PRDM2: variants seen among roughly 807,000 people sequenced by gnomAD.
The protein encoded by PRDM2 is PR/SET domain 2.
PRDM2 carries 30 observed loss-of-function variants against 130.0 expected under a neutral mutation model. The ratio of observed to expected loss-of-function variants is 0.23; its 90% CI spans 0.17 to 0.31. The LOEUF (loss-of-function observed/expected upper bound fraction) is 0.31. Among genes scored for constraint, PRDM2 ranks in the 10% least tolerant of loss-of-function variants. PRDM2 has a pLI of 1.00. For synonymous variants in PRDM2, 871 were observed against 782.4 expected (o/e 1.11, Z -1.89); for missense variants, 2,011 against 2,108.4 (o/e 0.95, Z 0.90).
At chr1:13,822,602 C>T (rs1286635303) in intron 9 of PRDM2, among the ~76,000 whole-genome samples, 2 of 151,920 alleles carry the variant, frequency 1.3e-5, no homozygotes, top group Non-Finnish European at 2.9e-5. Flanking sequence ...TCACCGTAGC[C>T]AGGATGGTCT....
intron 8 of PRDM2, among the ~76,000 whole-genome samples, chr1:13,794,053 A>G (rs1205926260): frequency 1.3e-5 from 2 of 152,186 alleles, no homozygotes; most frequent in East Asian, 1.9e-4. Flanking sequence ...CCATGATTAC[A>G]TAGAAATGGA....
intron 8 of PRDM2, among the ~76,000 whole-genome samples, chr1:13,794,984 T>C (rs1644900388): frequency 6.6e-6 from 1 of 152,176 alleles, no homozygotes; most frequent in Non-Finnish European, 1.5e-5. Context: ...TAGCAGATGC[T>C]CCCACCCATC....
chr1:13,779,423 A>C lies in PRDM2; in HGVS notation c.1628A>C (p.Glu543Ala). Residue 543 changes from glutamate to alanine, a missense_variant, in exon 8 of 10, where the codon GAG becomes GCG. Coordinates refer to ENST00000311066, the MANE Select transcript of PRDM2 (RefSeq NM_001393986.1). This position sits in a 1 kb window ranked among gnomAD's most constrained non-coding sequence, Gnocchi z 4.9. Reference sequence around the variant, plus strand: ...CAGAACGTGTATGTACCAAGCACAGAGCCGGAGGAGGAAGGGGAAGCAGAT... The same window carrying C: ...CAGAACGTGTATGTACCAAGCACAGCGCCGGAGGAGGAAGGGGAAGCAGAT... ...ATQNVYVPST[E>A]PEEEGEADDV... The C allele has an allele frequency of 6.2e-7, 1 of 1,614,170 alleles. No homozygotes were observed. The highest frequency in any genetic ancestry group is 1.1e-5 in the South Asian group (1 of 91,076).
At position 13,808,348 on chromosome 1, in the gene PRDM2, G is replaced by A. The variant is rs574340651; in HGVS notation, c.5037-8079G>A. 2.6e-4 allele frequency among the ~76,000 whole-genome samples: 40 copies of A among 152,042 alleles called. No homozygotes were observed. In the East Asian group the frequency reaches 5.2e-3, roughly 20 times the overall value. ...CTACTAAAAATACAAAAAATTAGCCGGGCGTGGTGGCGGGCTGAGGCAGGA... is the reference window on the plus strand; with the variant it reads ...CTACTAAAAATACAAAAAATTAGCCAGGCGTGGTGGCGGGCTGAGGCAGGA... On this transcript the variant is annotated intron_variant, in intron 8 of 9. Coordinates refer to ENST00000311066, the MANE Select transcript of PRDM2 (RefSeq NM_001393986.1).
In PRDM2 at chr1:13,779,266, G is replaced by A; in HGVS notation, c.1471G>A (p.Val491Ile). The A allele has an allele frequency of 6.2e-7, 1 of 1,614,118 alleles. No individual in the cohort carries two copies. Among genetic ancestry groups the A allele is most frequent in the Non-Finnish European group, 8.5e-7 (1 of 1,180,008 alleles). ...TCATCCGTGCAAATATTGTAAAAAG[G>A]TTTTTGGAACTCATACTAATATGAG... ...ELHPCKYCKK[V>I]FGTHTNMRRH... Residue 491 changes from valine (V) to isoleucine (I), a missense_variant, in exon 8 of 10, where the codon GTT (valine) becomes ATT (isoleucine). Val to Ile is a conservative substitution (Grantham distance 29). This residue lies in a region of PRDM2 where 1,288 missense variants were observed against 1,237.7 expected (regional missense o/e 1.04). Transcript: ENST00000311066. The surrounding 1 kb of genome is among the most constrained non-coding windows in gnomAD (Gnocchi z 4.9).
chr1:13,724,956 G>A (rs1375080740), intron 2 of PRDM2, among the ~76,000 whole-genome samples: 1 of 152,114 alleles, frequency 6.6e-6, no homozygotes, highest in Non-Finnish European at 1.5e-5. Flanking sequence ...GGACATGAAT[G>A]TTTGGATTAA....
chr1:13,759,087 T>C (rs1260676924), intron 6 of PRDM2, among the ~76,000 whole-genome samples: 1 of 152,152 alleles, frequency 6.6e-6, no homozygotes, highest in Non-Finnish European at 1.5e-5. Context: ...TGTTACCAGT[T>C]ATGGAGAGTA....
chr1:13,768,288 C>T (rs1273316476), intron 6 of PRDM2, among the ~76,000 whole-genome samples: 21 of 151,822 alleles, frequency 1.4e-4, no homozygotes, highest in Admixed American at 9.2e-4. Flanking sequence ...TTTCACCGCA[C>T]TAGCCAGGAT....
chr1:13,769,369 C>A (rs1461394947), intron 6 of PRDM2, among the ~76,000 whole-genome samples: 2 of 152,310 alleles, frequency 1.3e-5, no homozygotes, highest in African/African-American at 4.8e-5. Flanking sequence ...GTAGCAGGTT[C>A]CACCGCCTGT....
intron 6 of PRDM2, among the ~76,000 whole-genome samples, chr1:13,768,075 T>G (rs976131286): frequency 2.8e-4 from 23 of 82,872 alleles, no homozygotes; most frequent in African/African-American, 7.1e-4. Flanking sequence ...TGTCCTTGAG[T>G]TTTTTTTTTT....
intron 8 of PRDM2, chr1:13,786,726 C>T: frequency 7.0e-7 from 1 of 1,424,674 alleles, no homozygotes; most frequent in Non-Finnish European, 9.2e-7. Flanking sequence ...GCCCAACGCG[C>T]ATGCTGGGCG....
At chr1:13,745,328 G>A (rs1643570016) in intron 5 of PRDM2, among the ~76,000 whole-genome samples, 1 of 152,112 alleles carries the variant, frequency 6.6e-6, no homozygotes, top group African/African-American at 2.4e-5. Flanking sequence ...CCACTCCTTG[G>A]ATAGGAAGGA....
chr1:13,810,585 CTG>C (rs1481293747), intron 8 of PRDM2, among the ~76,000 whole-genome samples: 1 of 151,742 alleles, frequency 6.6e-6, no homozygotes, highest in Non-Finnish European at 1.5e-5. Context: ...AGCTCTGCCT[CTG>C]GGGTTCACAC....
intron 2 of PRDM2, among the ~76,000 whole-genome samples, chr1:13,722,690 C>G (rs147694999): frequency 2.9e-4 from 44 of 152,186 alleles, no homozygotes; most frequent in African/African-American, 1.0e-3. Flanking sequence ...CTGTCCCCAC[C>G]CTCACCCATT....
chr1:13,787,145 A>C (rs964302613), intron 8 of PRDM2: 22 of 985,184 alleles, frequency 2.2e-5, no homozygotes, highest in African/African-American at 7.0e-5. Flanking sequence ...TTTTATGCCT[A>C]TTCTGGTGTT....
chr1:13,700,247 AGCGGCGGCG>A lies in PRDM2; in HGVS notation c.-110_-102del, dbSNP rs1018973109. Reference sequence around the variant, plus strand: ...CCGCGGGCGCCGGGGCCGGCGAAACAGCGGCGGCGGCGGCGGCCCTCGGTGCTCTGAGGC... The same window carrying A: ...CCGCGGGCGCCGGGGCCGGCGAAACAGCGGCGGCCCTCGGTGCTCTGAGGC... On this transcript the variant is annotated 5_prime_UTR_variant, in exon 1 of 10. Transcript: ENST00000311066. 4 of 151,254 alleles carry A rather than the reference AGCGGCGGCG, an allele frequency of 2.6e-5. No individual in the cohort carries two copies. The highest frequency in any genetic ancestry group is 7.3e-5 in the African/African-American group (3 of 41,042). The allele number at this position is 151,254 out of a possible 1,614,324, so 9.4% of individuals were successfully genotyped here.
At chr1:13,788,024 G>A (rs1223768811) in intron 8 of PRDM2, 2 of 981,964 alleles carry the variant, frequency 2.0e-6, no homozygotes, top group Non-Finnish European at 2.4e-6. Context: ...ATAACTAGAG[G>A]AGAATTTAAA....
rs1384287645 is a variant in PRDM2, at chr1:13,732,769, T to C, written c.128-10T>C. 1.3e-6 allele frequency: 2 copies of C among 1,546,302 alleles called. No individual in the cohort carries two copies. Among genetic ancestry groups the C allele is most frequent in the East Asian group, 2.3e-5 (1 of 44,214 alleles). ...TGATACATTATAAAAATACTGATTT[T>C]ATTTTCTAGGTGTCTGGGCCACTAA... On this transcript the variant is annotated splice_polypyrimidine_tract_variant and intron_variant, in intron 3 of 9. Coordinates refer to ENST00000311066, the MANE Select transcript of PRDM2 (RefSeq NM_001393986.1).
chr1:13,793,735 A>G (rs1644878847), intron 8 of PRDM2, among the ~76,000 whole-genome samples: 1 of 152,192 alleles, frequency 6.6e-6, no homozygotes, highest in Non-Finnish European at 1.5e-5. Context: ...GGGATGTCCA[A>G]TCTTTTGGCT....
Sources: allele counts gnomAD v4.1 joint callset (sites outside exome capture counted in the v4.1 genomes callset), GRCh38; gene constraint gnomAD v4.1.1; regional missense constraint gnomAD v4.1.1; non-coding constraint Gnocchi (gnomAD v3.1); transcripts MANE v1.5; gene names NCBI Gene and HGNC (gene_info 2026-07-23, HGNC 2026-07-21).